TRPM1: variants seen among roughly 807,000 people sequenced by gnomAD.
TRPM1 encodes transient receptor potential cation channel subfamily M member 1.
TRPM1 carries 113 observed loss-of-function variants against 149.4 expected under a neutral mutation model. The ratio of observed to expected loss-of-function variants is 0.76; its 90% CI spans 0.65 to 0.88. The LOEUF (loss-of-function observed/expected upper bound fraction) is 0.88. TRPM1 is among the 40% of genes least tolerant of loss of function. The pLI is 0.00. For synonymous variants in TRPM1, 741 were observed against 759.5 expected (o/e 0.98, Z 0.40); for missense variants, 1,976 against 2,038.7 (o/e 0.97, Z 0.59).
At chr15:31,152,402 T>C (rs1022608754) in intron 1 of TRPM1, among the ~76,000 whole-genome samples, 1 of 152,170 alleles carries the variant, frequency 6.6e-6, no homozygotes, top group Non-Finnish European at 1.5e-5. Flanking sequence ...GATGCTCCTG[T>C]GGAAGTGGCC....
chr15:31,052,587 C>T (rs542436303), intron 11 of TRPM1, among the ~76,000 whole-genome samples: 1 of 152,226 alleles, frequency 6.6e-6, no homozygotes, highest in Admixed American at 6.5e-5. Flanking sequence ...CCAGCCTGGC[C>T]AACATGGTAA....
In TRPM1 at chr15:31,063,272, G is replaced by A; in HGVS notation, c.811C>T (p.Leu271Phe). Residue 271 changes from leucine (L) to phenylalanine (F), a missense_variant, in exon 8 of 28, where the codon CTC becomes TTC. Transcript: ENST00000256552. ...INTRLGQGVP[L>F]VGLVVEGGPN... ...CCCCCCTCCACCACGAGACCCACGA[G>A]GGGCACGCCCTGCCCCAGTCCTGCA... 1 of 1,614,114 alleles carries A rather than the reference G, an allele frequency of 6.2e-7. No individual in the cohort carries two copies. Among genetic ancestry groups the A allele is most frequent in the South Asian group, 1.1e-5 (1 of 91,072 alleles).
chr15:31,071,091 C>T (rs1422876914), intron 3 of TRPM1, among the ~76,000 whole-genome samples: 1 of 152,148 alleles, frequency 6.6e-6, no homozygotes, highest in Non-Finnish European at 1.5e-5. Flanking sequence ...GAACATGTTC[C>T]CTGGCTTTGT....
chr15:31,037,935 C>G, intron 19 of TRPM1, 93 bp from the exon 20 acceptor site: 1 of 1,611,878 alleles, frequency 6.2e-7, no homozygotes, highest in Middle Eastern at 1.7e-4. Context: ...AAACACAATT[C>G]CAAAAATACC....
intron 27 of TRPM1, among the ~76,000 whole-genome samples, chr15:31,008,161 T>C (rs1469440995): frequency 6.6e-6 from 1 of 152,256 alleles, no homozygotes; most frequent in Non-Finnish European, 1.5e-5. Context: ...TATGTATTTA[T>C]GTATTTCTCT....
chr15:31,035,283 G>T (rs1208414365), intron 21 of TRPM1, among the ~76,000 whole-genome samples: 1 of 152,154 alleles, frequency 6.6e-6, no homozygotes, highest in Non-Finnish European at 1.5e-5. Context: ...TGGCATTACA[G>T]GCGTGCACCA....
intron 17 of TRPM1, 117 bp downstream of exon 17, chr15:31,041,834 A>T: frequency 8.7e-7 from 1 of 1,152,512 alleles, no homozygotes; most frequent in Non-Finnish European, 1.3e-6. Flanking sequence ...TGATTTGTGA[A>T]CAAGCTTTAA....
intron 1 of TRPM1, among the ~76,000 whole-genome samples, chr15:31,113,314 T>C (rs1236716597): frequency 6.6e-6 from 1 of 152,138 alleles, no homozygotes; most frequent in African/African-American, 2.4e-5. Context: ...GAGTGCTGCC[T>C]CTGAGCCCCT....
intron 11 of TRPM1, among the ~76,000 whole-genome samples, chr15:31,054,290 G>T (rs1170560011): frequency 6.6e-6 from 1 of 151,688 alleles, no homozygotes; most frequent in Non-Finnish European, 1.5e-5. Flanking sequence ...TTTTTTGTTT[G>T]TTTGTTTATT....
At chr15:31,013,951 G>A (rs975591308) in intron 27 of TRPM1, among the ~76,000 whole-genome samples, 6 of 152,140 alleles carry the variant, frequency 3.9e-5, no homozygotes, top group Non-Finnish European at 1.5e-5. Context: ...TGTGTATATA[G>A]GGGCACATCT....
At chr15:31,081,907 C>T (rs552445270) in intron 1 of TRPM1, among the ~76,000 whole-genome samples, 1 of 152,184 alleles carries the variant, frequency 6.6e-6, no homozygotes, top group Non-Finnish European at 1.5e-5. Flanking sequence ...AGCTTGGTCT[C>T]CTGAATCTGC....
intron 1 of TRPM1, among the ~76,000 whole-genome samples, chr15:31,141,288 G>A (rs1442121955): frequency 4.0e-5 from 6 of 151,886 alleles, no homozygotes; most frequent in Admixed American, 2.0e-4. Context: ...TTATTTCCTA[G>A]GCTTTCACTA....
chr15:31,125,289 T>C (rs1247417371), intron 1 of TRPM1, among the ~76,000 whole-genome samples: 1 of 152,178 alleles, frequency 6.6e-6, no homozygotes, highest in African/African-American at 2.4e-5. Flanking sequence ...TATTGGCGCA[T>C]CAGTTAGAAC....
chr15:31,077,040 A>G, intron 2 of TRPM1, 56 bp from the exon 3 acceptor site: 2 of 1,188,182 alleles, frequency 1.7e-6, no homozygotes, highest in Non-Finnish European at 2.5e-6. Flanking sequence ...CCATCATCAG[A>G]GTCCATTCTT....
At chr15:31,143,926 C>G (rs1314734048) in intron 1 of TRPM1, among the ~76,000 whole-genome samples, 1 of 152,092 alleles carries the variant, frequency 6.6e-6, no homozygotes, top group African/African-American at 2.4e-5. Flanking sequence ...ATAATTTGCT[C>G]TCTTTATAAC....
At chr15:31,113,326 A>C (rs1401976986) in intron 1 of TRPM1, among the ~76,000 whole-genome samples, 2 of 152,098 alleles carry the variant, frequency 1.3e-5, no homozygotes, top group Non-Finnish European at 2.9e-5. Context: ...TGAGCCCCTG[A>C]CTGGGAAAGA....
At position 31,050,423 on chromosome 15, in the gene TRPM1, C is replaced by G; in HGVS notation, c.1423G>C (p.Glu475Gln). 2 of 1,614,168 alleles carry G rather than the reference C, an allele frequency of 1.2e-6. No individual in the cohort carries two copies. Among genetic ancestry groups the G allele is most frequent in the Non-Finnish European group, 1.7e-6 (2 of 1,180,028 alleles). The stretch of plus-strand genomic sequence containing the variant: ...CTTCCACATACCCAGTTCAGCAGCT[C>G]TATCTTCCGGGGGTCAGTTTCTTCC... ...VEEETDPRKI[E>Q]LLNWVNALEQ... is the part of the protein sequence containing the mutation. Residue 475 changes from glutamate to glutamine, a missense_variant, in exon 12 of 28, where the codon GAG becomes CAG. Transcript: ENST00000256552.
chr15:31,142,416 G>C (rs546507207), intron 1 of TRPM1, among the ~76,000 whole-genome samples: 68 of 152,244 alleles, frequency 4.5e-4, no homozygotes, highest in African/African-American at 1.5e-3. Context: ...AAATTATTGT[G>C]AGATCTTGTA....
At position 31,081,438 on chromosome 15, in the gene TRPM1, C is replaced by T. The variant is rs2034855934; in HGVS notation, c.-83G>A. Reference sequence around the variant, plus strand: ...CTGAGTCCTCAGAAATCTTCTAGAACCTACGAGGATAAACAAGAGGAGTAA... The same window carrying T: ...CTGAGTCCTCAGAAATCTTCTAGAATCTACGAGGATAAACAAGAGGAGTAA... On this transcript the variant is annotated splice_region_variant and 5_prime_UTR_variant, in exon 2 of 28. Coordinates refer to ENST00000256552, the MANE Select transcript of TRPM1 (RefSeq NM_001252024.2). 2.0e-6 allele frequency: 3 copies of T among 1,531,160 alleles called. No homozygotes were observed. The highest frequency in any genetic ancestry group is 2.4e-5 in the South Asian group (2 of 83,778). The allele number at this position is 1,531,160 out of a possible 1,614,324, so 94.8% of individuals were successfully genotyped here.
Sources: allele counts gnomAD v4.1 joint callset (sites outside exome capture counted in the v4.1 genomes callset), GRCh38; gene constraint gnomAD v4.1.1; transcripts MANE v1.5; gene names NCBI Gene and HGNC (gene_info 2026-07-23, HGNC 2026-07-21).